LYRM4: variants seen among roughly 807,000 people sequenced by gnomAD.
LYRM4 encodes LYR motif containing 4.
Under a neutral mutation model 11.7 loss-of-function variants are expected in LYRM4, and 9 were observed. The observed-to-expected ratio is 0.77, with a 90% CI of 0.46 to 1.34. The LOEUF is 1.34. Among genes scored for constraint, LYRM4 ranks in the 40% most tolerant of loss-of-function variants. The pLI, the probability that LYRM4 is intolerant of heterozygous loss-of-function variation, is 0.00. For missense variants in LYRM4, 133 were observed against 112.5 expected (o/e 1.18, Z -0.82); for synonymous variants, 42 against 40.4 (o/e 1.04, Z -0.15).
At chr6:5,085,880 T>G in the LYRM4 span, 1 of 1,531,296 alleles carries the variant, frequency 6.5e-7, no homozygotes, top group African/African-American at 1.4e-5. Context: ...AAGAAGCGGG[T>G]GCAGTTCGCG....
At chr6:5,090,833 G>C in the LYRM4 span, among the ~76,000 whole-genome samples, 3 of 152,150 alleles carry the variant, frequency 2.0e-5, no homozygotes, top group South Asian at 6.2e-4. The surrounding 1 kb of genome is among the most constrained non-coding windows in gnomAD (Gnocchi z 4.8). Flanking sequence ...TAGCACAACG[G>C]TTTCTATTTT....
the LYRM4 span, chr6:5,086,451 C>A: frequency 6.5e-7 from 1 of 1,536,774 alleles, no homozygotes; most frequent in South Asian, 1.2e-5. Flanking sequence ...ACGAGCGCGG[C>A]GTCGCGGTCC....
chr6:5,161,867 A>G (rs1390452984), intron 2 of LYRM4, among the ~76,000 whole-genome samples: 1 of 152,190 alleles, frequency 6.6e-6, no homozygotes, highest in Non-Finnish European at 1.5e-5. Context: ...CTCTGCTGAG[A>G]TAACACTGGG....
chr6:5,064,124 A>T, the LYRM4 span, among the ~76,000 whole-genome samples: 19,503 of 152,090 alleles, frequency 0.13, 1,329 homozygotes, highest in Admixed American at 0.18. Flanking sequence ...TACACGCTTG[A>T]AAGGGACCCA....
intron 1 of LYRM4, among the ~76,000 whole-genome samples, chr6:5,259,630 G>T (rs969612916): frequency 1.3e-5 from 2 of 152,286 alleles, no homozygotes; most frequent in African/African-American, 4.8e-5. Flanking sequence ...GCTGGAGGGG[G>T]GCCTACCTAA....
At chr6:5,241,459 G>A (rs566630996) in intron 1 of LYRM4, among the ~76,000 whole-genome samples, 7 of 152,258 alleles carry the variant, frequency 4.6e-5, no homozygotes, top group Non-Finnish European at 1.0e-4. Flanking sequence ...GCATTACAAT[G>A]GTTTTCATCA....
chr6:5,207,844 G>C (rs1761785004), intron 2 of LYRM4, among the ~76,000 whole-genome samples: 1 of 152,156 alleles, frequency 6.6e-6, no homozygotes, highest in Non-Finnish European at 1.5e-5. Flanking sequence ...AGGGTAAGCT[G>C]TTACCTTCTA....
intron 1 of LYRM4, among the ~76,000 whole-genome samples, chr6:5,232,864 G>T (rs1455313081): frequency 6.6e-6 from 1 of 152,190 alleles, no homozygotes; most frequent in Non-Finnish European, 1.5e-5. Flanking sequence ...AATAAGCCCT[G>T]TTCAGAATCA....
chr6:5,186,848 G>A, intron 2 of LYRM4: 1 of 510,222 alleles, frequency 2.0e-6, no homozygotes, highest in Non-Finnish European at 3.3e-6. Flanking sequence ...GCCAGGCGTG[G>A]TGGCGTGCGC....
chr6:5,208,410 T>C (rs556845045), intron 2 of LYRM4, among the ~76,000 whole-genome samples: 7 of 152,370 alleles, frequency 4.6e-5, no homozygotes, highest in South Asian at 4.1e-4. Flanking sequence ...CAGTGAATGA[T>C]ATGAGGACTA....
At chr6:5,227,303 T>C (rs1292784369) in intron 1 of LYRM4, among the ~76,000 whole-genome samples, 1 of 152,152 alleles carries the variant, frequency 6.6e-6, no homozygotes, top group African/African-American at 2.4e-5. Context: ...GAAGGAGCCC[T>C]GGAGAAATCA....
At chr6:5,196,717 T>C (rs1194999130) in intron 2 of LYRM4, among the ~76,000 whole-genome samples, 3 of 152,238 alleles carry the variant, frequency 2.0e-5, no homozygotes, top group African/African-American at 4.8e-5. Flanking sequence ...TCTATTTCCA[T>C]TGGAATGATT....
At chr6:5,091,265 C>G in the LYRM4 span, among the ~76,000 whole-genome samples, 20,230 of 152,148 alleles carry the variant, frequency 0.13, 1,555 homozygotes, top group South Asian at 0.22. Context: ...GGCCTCCCCT[C>G]CTACAGAGTG....
chr6:5,233,516 G>A (rs1361551557), intron 1 of LYRM4, among the ~76,000 whole-genome samples: 1 of 152,184 alleles, frequency 6.6e-6, no homozygotes, highest in Non-Finnish European at 1.5e-5. Context: ...GGGAAATGCT[G>A]ATCTGCACAA....
At chr6:5,245,089 TAAA>T (rs71540855) in intron 1 of LYRM4, among the ~76,000 whole-genome samples, 240 of 15,446 alleles carry the variant, frequency 0.016, 16 homozygotes, top group South Asian at 0.06. Context: ...AGGAAGACCT[TAAA>T]AAAAAAAAAA....
intron 2 of LYRM4, among the ~76,000 whole-genome samples, chr6:5,151,894 A>G (rs1276633683): frequency 6.6e-6 from 1 of 152,028 alleles, no homozygotes; most frequent in African/African-American, 2.4e-5. Flanking sequence ...TTCTACCAGT[A>G]TTTTTCCCAT....
rs140541684 is a variant in LYRM4 at position 5,258,907 on chromosome 6, G to A, written c.86+1741C>T. ...TTGAATGATTTTCCTGTTGAGTTTC[G>A]TGAATGATTTTCCTGTTCAGTTGGC... On this transcript the variant is annotated intron_variant, in intron 1 of 2. Transcript: ENST00000330636. 1.9e-3 allele frequency among the ~76,000 whole-genome samples: 284 copies of A among 152,218 alleles called. 2 individuals are homozygous for A. The highest frequency in any genetic ancestry group is 6.6e-3 in the African/African-American group (275 of 41,520).
chr6:5,166,831 T>C (rs565372267), intron 2 of LYRM4, among the ~76,000 whole-genome samples: 1 of 152,374 alleles, frequency 6.6e-6, no homozygotes, highest in Non-Finnish European at 1.5e-5. Context: ...GAGTGTTTGA[T>C]TCTTTTCCTT....
chr6:5,096,770 C>T, the LYRM4 span, among the ~76,000 whole-genome samples: 1 of 152,208 alleles, frequency 6.6e-6, no homozygotes, highest in African/African-American at 2.4e-5. Context: ...TGTGAAGTGC[C>T]AAGCAAGCCG....
Sources: gnomAD v4.1 joint callset for allele counts (sites outside exome capture counted in the v4.1 genomes callset) on GRCh38, gnomAD v4.1.1 for gene constraint, Gnocchi (gnomAD v3.1) non-coding constraint, MANE v1.5 for transcripts, NCBI Gene and HGNC (gene_info 2026-07-23, HGNC 2026-07-21) for gene names.